Variants in MSR1 observed in about 807,000 individuals in gnomAD.
MSR1 encodes the protein macrophage scavenger receptor 1, also known as macrophage scavenger receptor types I and II.
A neutral mutation model predicts 47.2 loss-of-function variants in MSR1; 53 were observed. The observed-to-expected ratio is 1.12, with a 90% CI of 0.90 to 1.41. The LOEUF is 1.41. Among genes scored for constraint, MSR1 ranks in the 40% most tolerant of loss-of-function variants. The pLI is 0.00. For missense variants in MSR1, 786 were observed against 546.9 expected (o/e 1.44, Z -4.36); for synonymous variants, 239 against 185.6 (o/e 1.29, Z -2.34).
intron 8 of MSR1, among the ~76,000 whole-genome samples, chr8:16,133,289 C>A (rs1279376729): frequency 6.6e-6 from 1 of 152,106 alleles, no homozygotes. Context: ...ATGTTGTAAT[C>A]TTCTCATTAT....
intron 1 of MSR1, among the ~76,000 whole-genome samples, chr8:16,185,395 A>G (rs1390090133): frequency 6.6e-6 from 1 of 152,130 alleles, no homozygotes; most frequent in African/African-American, 2.4e-5. Context: ...TTTCTACAGC[A>G]ACCTAACTTT....
intron 1 of MSR1, among the ~76,000 whole-genome samples, chr8:16,184,346 G>C (rs398374): frequency 0.019 from 2,890 of 152,074 alleles, 93 homozygotes; most frequent in African/African-American, 0.066. Flanking sequence ...GTTTTAATTT[G>C]ATCTATTACA....
intron 9 of MSR1, among the ~76,000 whole-genome samples, chr8:16,118,746 C>T (rs2117057803): frequency 6.6e-6 from 1 of 152,160 alleles, no homozygotes; most frequent in East Asian, 1.9e-4. Flanking sequence ...GGAGCTCAGT[C>T]TTGTTAAATA....
chr8:16,165,773 G>A (rs544450062), intron 4 of MSR1, among the ~76,000 whole-genome samples: 165 of 152,190 alleles, frequency 1.1e-3, no homozygotes, highest in African/African-American at 3.8e-3. Context: ...ATGAATGTGC[G>A]TCTAGATTTG....
rs768415085 is a variant in MSR1 at position 16,120,447 on chromosome 8, G to C, written c.1193C>G (p.Ala398Gly). 1.3e-5 allele frequency: 21 copies of C among 1,613,538 alleles called. No homozygotes were observed. The highest frequency in any genetic ancestry group is 1.5e-5 in the Non-Finnish European group (18 of 1,179,894). ...CRSLGYPGVQAVHKAAHFGQG... is the reference protein window; with the variant it reads ...CRSLGYPGVQGVHKAAHFGQG... ...TCCAAAGTGAGCTGCCTTGTGCACG[G>C]CTTGAACACCTGGGTATCCCAAGCT... The change falls in exon 9 of 10, where the codon GCC becomes GGC. Residue 398 changes from alanine to glycine, a missense_variant. Physicochemically the swap from Ala to Gly is moderately conservative, Grantham distance 60. Transcript: ENST00000262101.
chr8:16,135,832 T>C (rs979867110), intron 8 of MSR1, among the ~76,000 whole-genome samples: 6 of 152,040 alleles, frequency 3.9e-5, no homozygotes, highest in Admixed American at 2.6e-4. Flanking sequence ...TGAATGACTG[T>C]GAGGGGTTCA....
intron 7 of MSR1, among the ~76,000 whole-genome samples, chr8:16,149,090 A>G (rs1213507580): frequency 6.6e-6 from 1 of 152,138 alleles, no homozygotes; most frequent in East Asian, 1.9e-4. Context: ...ATTCTGTCTA[A>G]TACTGTAATG....
rs1328068127 is a variant in MSR1, at chr8:16,118,326, C to T, written c.1222+2092G>A. On this transcript the variant is annotated intron_variant, in intron 9 of 9. Transcript: ENST00000262101. Reference sequence around the variant, plus strand: ...CCTCTATTAGAACTGTGGGTGTCCCCTTCATAGATGGTAACAGTCACTTGA... The same window carrying T: ...CCTCTATTAGAACTGTGGGTGTCCCTTTCATAGATGGTAACAGTCACTTGA... Among the ~76,000 whole-genome samples, 4 of 152,102 alleles carry T rather than the reference C, an allele frequency of 2.6e-5. 1 individual carries two copies. The highest frequency in any genetic ancestry group is 7.2e-5 in the African/African-American group (3 of 41,418).
intron 2 of MSR1, among the ~76,000 whole-genome samples, chr8:16,175,887 G>A (rs1336920915): frequency 2.0e-5 from 3 of 152,084 alleles, no homozygotes; most frequent in Non-Finnish European, 4.4e-5. Context: ...ATGGATCAAT[G>A]AAGCCCACTC....
At chr8:16,139,615 C>T in intron 8 of MSR1, 1 of 972,070 alleles carries the variant, frequency 1.0e-6, no homozygotes, top group South Asian at 4.8e-5. Flanking sequence ...ATTTTTAGAA[C>T]AAAAGAATAT....
At chr8:16,156,736 C>A (rs527726042) in intron 5 of MSR1, among the ~76,000 whole-genome samples, 1 of 151,632 alleles carries the variant, frequency 6.6e-6, no homozygotes, top group African/African-American at 2.4e-5. Flanking sequence ...GTCATGCAAA[C>A]AACATGTTAC....
At chr8:16,153,846 A>T (rs1389190987) in intron 6 of MSR1, among the ~76,000 whole-genome samples, 1 of 151,994 alleles carries the variant, frequency 6.6e-6, no homozygotes, top group Middle Eastern at 3.2e-3. Context: ...TCTGCTTATG[A>T]CATTAATGCA....
At chr8:16,128,978 G>GGGTAACAGGATTAAGTGAGAA (rs1800192526) in intron 8 of MSR1, among the ~76,000 whole-genome samples, 1 of 152,116 alleles carries the variant, frequency 6.6e-6, no homozygotes, top group African/African-American at 2.4e-5. Flanking sequence ...GTAATGTACT[G>GGGTAACAGGATTAAGTGAGAA]GGTAACAGGA....
At chr8:16,131,444 T>TG (rs1491059568) in intron 8 of MSR1, among the ~76,000 whole-genome samples, 3 of 32,194 alleles carry the variant, frequency 9.3e-5, no homozygotes, top group African/African-American at 1.4e-4. Flanking sequence ...GTTGATAGTT[T>TG]TTTTTTTTTT....
rs1354050980 is a variant in MSR1, at chr8:16,154,917, TACACACATGTGCGTGCATACACACACAC to T, written c.898+119_898+146del. On this transcript the variant is annotated intron_variant, in intron 6 of 9. Transcript: ENST00000262101. ...TAATCCCCCAAAACACACACACATATACACACATGTGCGTGCATACACACACACACACACATACACATCCTCTGCAGGA... is the reference window on the plus strand; with the variant it reads ...TAATCCCCCAAAACACACACACATATACACACATACACATCCTCTGCAGGA... 21 of 678,024 alleles carry T rather than the reference TACACACATGTGCGTGCATACACACACAC, an allele frequency of 3.1e-5. No individual in the cohort carries two copies. In the East Asian group the frequency reaches 5.2e-4, roughly 17 times the overall value. The allele number at this position is 678,024 out of a possible 1,614,324, so 42.0% of individuals were successfully genotyped here. A position where few individuals can be genotyped will look rare whatever the true frequency, so the allele number is the denominator to read the frequency against.
At chr8:16,113,555 G>A (rs73665212) in intron 9 of MSR1, among the ~76,000 whole-genome samples, 2,903 of 152,154 alleles carry the variant, frequency 0.019, 94 homozygotes, top group African/African-American at 0.064. Flanking sequence ...TCTCCATTGA[G>A]AAAAACAATG....
At chr8:16,185,263 C>T (rs1488120183) in intron 1 of MSR1, among the ~76,000 whole-genome samples, 1 of 152,086 alleles carries the variant, frequency 6.6e-6, no homozygotes, top group Non-Finnish European at 1.5e-5. Flanking sequence ...CTCTGAGAAT[C>T]TCATCTACTT....
chr8:16,179,716 T>C (rs1367676035), intron 1 of MSR1, among the ~76,000 whole-genome samples: 1 of 149,292 alleles, frequency 6.7e-6, no homozygotes, highest in Non-Finnish European at 1.5e-5. Context: ...ACAGCTCTAC[T>C]AAAAATACAA....
intron 2 of MSR1, among the ~76,000 whole-genome samples, chr8:16,177,076 G>T (rs1387484683): frequency 6.6e-6 from 1 of 152,162 alleles, no homozygotes; most frequent in African/African-American, 2.4e-5. Context: ...ATCCTGTTGA[G>T]ATACAGCTGA....
Sources: gnomAD v4.1 joint callset for allele counts (sites outside exome capture counted in the v4.1 genomes callset) on GRCh38, gnomAD v4.1.1 for gene constraint, MANE v1.5 for transcripts, NCBI Gene and HGNC (gene_info 2026-07-23, HGNC 2026-07-21) for gene names.